The following EMSY variants were observed in gnomAD, a reference collection of about 807,000 sequenced individuals.
The protein encoded by EMSY is EMSY transcriptional repressor, BRCA2 interacting.
Under a neutral mutation model 134.6 loss-of-function variants are expected in EMSY, and 26 were observed. That is an observed-to-expected ratio of 0.19 (90% CI 0.14 to 0.27). The LOEUF is 0.27. Among genes scored for constraint, EMSY ranks in the 10% least tolerant of loss-of-function variants. The probability of loss-of-function intolerance (pLI) is 1.00; values close to 1 mark genes in which losing one functional copy is unlikely to be tolerated. For missense variants in EMSY, 1,305 were observed against 1,611.4 expected (o/e 0.81, Z 3.26); for synonymous variants, 579 against 577.8 (o/e 1.00, Z -0.03).
At chr11:76,552,695 C>A (rs1022547803), downstream of EMSY, 3 of 152,060 alleles carry the variant, frequency 2.0e-5, no homozygotes, top group Non-Finnish European at 4.4e-5. Flanking sequence ...TAAAGTATAC[C>A]GTTTAATGGT....
intron 7 of EMSY, among the ~76,000 whole-genome samples, chr11:76,468,128 CTTTT>C (rs1320235159): frequency 1.3e-5 from 2 of 151,926 alleles, no homozygotes; most frequent in Non-Finnish European, 2.9e-5. Context: ...AGTTTGTGAA[CTTTT>C]TTTAAGTTCA....
intron 7 of EMSY, among the ~76,000 whole-genome samples, chr11:76,468,308 C>T (rs1160328556): frequency 6.6e-6 from 1 of 151,908 alleles, no homozygotes; most frequent in Non-Finnish European, 1.5e-5. Context: ...TTAGATTTGG[C>T]TTACTATGGT....
At chr11:76,462,263 G>A (rs925095054) in intron 6 of EMSY, among the ~76,000 whole-genome samples, 5 of 152,010 alleles carry the variant, frequency 3.3e-5, no homozygotes, top group African/African-American at 1.2e-4. Flanking sequence ...AAATAAATAA[G>A]TAAAATACTG....
At chr11:76,446,795 T>C in intron 1 of EMSY, 105 bp from the exon 2 acceptor site, 1 of 629,152 alleles carries the variant, frequency 1.6e-6, no homozygotes, top group Admixed American at 3.3e-5. Flanking sequence ...AATAGTAATA[T>C]CTTTTTGGTT....
intron 17 of EMSY, among the ~76,000 whole-genome samples, chr11:76,540,917 T>C (rs1002844188): frequency 7.2e-5 from 11 of 152,204 alleles, no homozygotes; most frequent in African/African-American, 2.7e-4. Context: ...TAAAGCTCTG[T>C]GGACTGTGTA....
chr11:76,463,530 G>A (rs1285554571), intron 6 of EMSY, among the ~76,000 whole-genome samples: 1 of 151,982 alleles, frequency 6.6e-6, no homozygotes, highest in Non-Finnish European at 1.5e-5. Context: ...GGCTGAGGCA[G>A]GAGAATGGCG....
intron 2 of EMSY, among the ~76,000 whole-genome samples, chr11:76,448,723 G>A (rs887800905): frequency 4.0e-5 from 6 of 151,770 alleles, no homozygotes; most frequent in Admixed American, 2.0e-4. Context: ...CTCCCCACCC[G>A]TTGGCTTATT....
At chr11:76,479,202 C>T (rs772500719) in intron 8 of EMSY, among the ~76,000 whole-genome samples, 5 of 152,160 alleles carry the variant, frequency 3.3e-5, no homozygotes, top group Non-Finnish European at 7.3e-5. Context: ...AATCTGAAAT[C>T]TGAAATGCTC....
intron 6 of EMSY, 130 bp downstream of exon 7, chr11:76,460,215 T>A: frequency 9.0e-7 from 1 of 1,110,566 alleles, no homozygotes; most frequent in Non-Finnish European, 1.3e-6. Context: ...TTGAAGATTT[T>A]AAAGAATTCC....
intron 8 of EMSY, among the ~76,000 whole-genome samples, chr11:76,488,574 A>G (rs1037447899): frequency 1.3e-5 from 2 of 150,174 alleles, no homozygotes; most frequent in South Asian, 2.1e-4. Flanking sequence ...GGAGATTCTT[A>G]TATGGATTGT....
intron 8 of EMSY, among the ~76,000 whole-genome samples, chr11:76,482,050 G>T (rs529780354): frequency 1.1e-3 from 174 of 152,274 alleles, no homozygotes; most frequent in Non-Finnish European, 2.0e-3. Context: ...CCAGGGGAAG[G>T]AACAGGCAGC....
chr11:76,544,571 C>A (rs904624553), exon 19 of EMSY: 1 of 1,614,020 alleles, frequency 6.2e-7, no homozygotes, highest in Non-Finnish European at 8.5e-7. Flanking sequence ...CACCCCTCTC[C>A]AGCAAGAACA....
chr11:76,494,081 CA>C (rs932768066), intron 8 of EMSY, among the ~76,000 whole-genome samples: 8 of 152,276 alleles, frequency 5.3e-5, no homozygotes, highest in Admixed American at 5.2e-4. Flanking sequence ...GGTCCAGCCG[CA>C]GCCTCGCATG....
At chr11:76,448,366 A>C (rs963027164) in intron 2 of EMSY, among the ~76,000 whole-genome samples, 1 of 151,852 alleles carries the variant, frequency 6.6e-6, no homozygotes, top group African/African-American at 2.4e-5. Context: ...TCCTAATCTG[A>C]AGATAGTTTT....
chr11:76,513,985 A>G (rs189376908), intron 10 of EMSY, among the ~76,000 whole-genome samples: 40 of 152,282 alleles, frequency 2.6e-4, no homozygotes, highest in Admixed American at 1.2e-3. Flanking sequence ...ATTACAGTTT[A>G]GTAAGCGTTA....
At chr11:76,522,352 C>CTTTTT (rs71040003) in intron 11 of EMSY, among the ~76,000 whole-genome samples, 496 of 44,278 alleles carry the variant, frequency 0.011, 68 homozygotes, top group African/African-American at 0.02. Flanking sequence ...GTTTACTTTG[C>CTTTTT]TTTTTTTTTT....
At chr11:76,463,906 A>G (rs775361965) in exon 7 of EMSY, 19 of 1,614,222 alleles carry the variant, frequency 1.2e-5, no homozygotes, top group Non-Finnish European at 1.5e-5. Context: ...TTCTAAAGGA[A>G]GTTCCAAAGG....
chr11:76,537,676 C>A, intron 15 of EMSY, 119 bp from the exon 17 acceptor site: 1 of 829,094 alleles, frequency 1.2e-6, no homozygotes, highest in Non-Finnish European at 1.9e-6. Flanking sequence ...AATTCACTGT[C>A]TACTTAGTCA....
chr11:76,454,743 T>G lies in EMSY; in HGVS notation c.245+1355T>G. ...TAGTCTCCTTTTCCTTTTTTCCCCT[T>G]TAAAGAATGAATTTATCCTTATATT... On this transcript the variant is annotated intron_variant, in intron 4 of 20. Coordinates refer to ENST00000334736, the Ensembl canonical transcript of EMSY. 1 of 1,456,530 alleles carries G rather than the reference T, an allele frequency of 6.9e-7. No homozygotes were observed. Among genetic ancestry groups the G allele is most frequent in the Non-Finnish European group, 9.3e-7 (1 of 1,081,002 alleles). 90.2% of individuals were successfully genotyped at this position (1,456,530 alleles called of 1,614,324 possible).
Sources: allele counts gnomAD v4.1 joint callset (sites outside exome capture counted in the v4.1 genomes callset), GRCh38; gene constraint gnomAD v4.1.1; transcripts MANE v1.5; gene names NCBI Gene and HGNC (gene_info 2026-07-23, HGNC 2026-07-21).